Variants in PRDM11 observed in about 807,000 individuals in gnomAD.
PRDM11 encodes PR/SET domain 11.
Under a neutral mutation model 97.8 loss-of-function variants are expected in PRDM11, and 20 were observed. The ratio of observed to expected loss-of-function variants is 0.20; its 90% CI spans 0.14 to 0.30. PRDM11 has a LOEUF of 0.30. PRDM11 is among the 10% of genes least tolerant of loss of function. The probability of loss-of-function intolerance (pLI) is 1.00; values close to 1 mark genes in which losing one functional copy is unlikely to be tolerated. For synonymous variants in PRDM11, 599 were observed against 637.7 expected, an observed-to-expected ratio of 0.94 and a Z score of 0.91; for missense variants, 1,139 against 1,555.2, an observed-to-expected ratio of 0.73 and a Z score of 4.50.
chr11:45,160,926 C>CT (rs1157840979), intron 1 of PRDM11, among the ~76,000 whole-genome samples: 3 of 152,294 alleles, frequency 2.0e-5, no homozygotes, highest in African/African-American at 7.2e-5. Flanking sequence ...CTGGAGCCTT[C>CT]TTTCCTTCAC....
intron 1 of PRDM11, among the ~76,000 whole-genome samples, chr11:45,103,617 G>T (rs747425354): frequency 4.6e-5 from 7 of 151,730 alleles, no homozygotes; most frequent in Admixed American, 3.9e-4. Context: ...GCCTTTGAGG[G>T]TGTCAGAAAT....
chr11:45,220,554 G>T (rs1565342535), intron 6 of PRDM11, among the ~76,000 whole-genome samples: 1 of 152,324 alleles, frequency 6.6e-6, no homozygotes, highest in East Asian at 1.9e-4. Context: ...GGGCCACCTG[G>T]CTAGGAAGGA....
chr11:45,131,291 T>C (rs1852714005), intron 1 of PRDM11, among the ~76,000 whole-genome samples: 1 of 152,178 alleles, frequency 6.6e-6, no homozygotes, highest in South Asian at 2.1e-4. Context: ...AAATGCTCTG[T>C]TTCTTGATTT....
chr11:45,096,858 C>A (rs563718185), intron 1 of PRDM11, among the ~76,000 whole-genome samples: 8 of 152,216 alleles, frequency 5.3e-5, no homozygotes, highest in Admixed American at 5.2e-4. Context: ...CAAGTACATT[C>A]TCTGCCAGGC....
chr11:45,212,605 G>T (rs1014536266), intron 5 of PRDM11: 3 of 456,242 alleles, frequency 6.6e-6, no homozygotes, highest in South Asian at 4.6e-5. Flanking sequence ...AGTCTGAGAC[G>T]GTGGGCCCCA....
At chr11:45,172,875 T>C (rs920482589) in intron 1 of PRDM11, among the ~76,000 whole-genome samples, 1 of 152,122 alleles carries the variant, frequency 6.6e-6, no homozygotes, top group African/African-American at 2.4e-5. Flanking sequence ...AATGAATGTG[T>C]GTTTCTTGTC....
Position 45,227,378 on chromosome 11 carries a change from A to G in PRDM11, c.2753A>G (p.Glu918Gly). 1.3e-5 allele frequency: 20 copies of G among 1,533,920 alleles called. No homozygotes were observed. Among genetic ancestry groups the G allele is most frequent in the Non-Finnish European group, 1.6e-5 (18 of 1,146,714 alleles). The change falls in exon 8 of 8, where the codon GAG (glutamate) becomes GGG (glycine). Residue 918 changes from glutamate to glycine, a missense_variant. Glu to Gly is a moderately conservative substitution (Grantham distance 98, BLOSUM62 -2). This residue lies in a region of PRDM11 where 710 missense variants were observed against 1,044.9 expected (regional missense o/e 0.68). Transcript: ENST00000683152. The surrounding 1 kb of genome is among the most constrained non-coding windows in gnomAD (Gnocchi z 8.0). ...GACAAGATCGAGGAGGCCATCCAGGAGATCAGCCGGCTGGCTGACTCCCCG... is the reference window on the plus strand; with the variant it reads ...GACAAGATCGAGGAGGCCATCCAGGGGATCAGCCGGCTGGCTGACTCCCCG... ...VDDKIEEAIQ[E>G]ISRLADSPGE...
chr11:45,177,614 T>C (rs985627133), intron 1 of PRDM11, among the ~76,000 whole-genome samples: 1 of 152,232 alleles, frequency 6.6e-6, no homozygotes, highest in African/African-American at 2.4e-5. Flanking sequence ...GAGATGTCTA[T>C]GGGCCACTTG....
chr11:45,212,638 C>T (rs550762404), intron 5 of PRDM11: 2 of 456,362 alleles, frequency 4.4e-6, no homozygotes, highest in East Asian at 1.4e-4. Context: ...TGCCCCATCC[C>T]TCGCCCCAGG....
rs1242026121 is a variant in PRDM11 at position 45,182,242 on chromosome 11, C to T, written c.120-4C>T. 6.2e-7 allele frequency: 1 copy of T among 1,613,412 alleles called. No homozygotes were observed. Among genetic ancestry groups the T allele is most frequent in the Non-Finnish European group, 8.5e-7 (1 of 1,179,736 alleles). On this transcript the variant is annotated splice_region_variant and splice_polypyrimidine_tract_variant and intron_variant, in intron 2 of 7. Transcript: ENST00000683152. ...CTTTCTTTGCGGGCCTCTGCCCTGG[C>T]CAGCTCTAGGAGACCGGACTCCTCG...
chr11:45,204,615 G>T lies in PRDM11; in HGVS notation c.487-96G>T. 8 of 1,136,514 alleles carry T rather than the reference G, an allele frequency of 7.0e-6. No homozygotes were observed. The South Asian group carries it at 9.9e-5, about 14-fold the overall frequency. 70.4% of individuals were successfully genotyped at this position (1,136,514 alleles called of 1,614,324 possible). A position where few individuals can be genotyped will look rare whatever the true frequency, so the allele number is the denominator to read the frequency against. ...ATTTCAGGGGGAGGGGGAGGGAGCA[G>T]GTGGGACCAGGCCCTGGGCCCTGGT... On this transcript the variant is annotated intron_variant, in intron 4 of 7. Coordinates refer to ENST00000683152, the MANE Select transcript of PRDM11 (RefSeq NM_001384648.1).
intron 6 of PRDM11, among the ~76,000 whole-genome samples, chr11:45,221,734 A>G (rs186486893): frequency 2.6e-4 from 39 of 152,272 alleles, no homozygotes; most frequent in Admixed American, 2.0e-3. Flanking sequence ...ATTCCTGGTC[A>G]GGCTGAGCAG....
chr11:45,161,281 A>G (rs1851921555), intron 1 of PRDM11, among the ~76,000 whole-genome samples: 1 of 152,110 alleles, frequency 6.6e-6, no homozygotes, highest in South Asian at 2.1e-4. Flanking sequence ...TCCCACCTCC[A>G]TGGGCTGGGG....
intron 1 of PRDM11, among the ~76,000 whole-genome samples, chr11:45,166,322 C>T (rs1852064698): frequency 6.6e-6 from 1 of 152,216 alleles, no homozygotes; most frequent in African/African-American, 2.4e-5. Flanking sequence ...GCCCTTCTAT[C>T]CTTTCAGCAA....
chr11:45,109,254 A>G (rs1852123263), intron 1 of PRDM11, among the ~76,000 whole-genome samples: 1 of 152,190 alleles, frequency 6.6e-6, no homozygotes, highest in Non-Finnish European at 1.5e-5. Context: ...TACTACAGGT[A>G]GGATGCAGGC....
upstream of PRDM11, among the ~76,000 whole-genome samples, chr11:45,141,724 T>G (rs1247041582): frequency 1.3e-5 from 2 of 152,158 alleles, no homozygotes; most frequent in Admixed American, 1.3e-4. Flanking sequence ...CTGACATTAC[T>G]GCTCCTGAGA....
chr11:45,174,400 T>G (rs1276168519), intron 1 of PRDM11, among the ~76,000 whole-genome samples: 1 of 152,230 alleles, frequency 6.6e-6, no homozygotes, highest in Non-Finnish European at 1.5e-5. Context: ...TACAAAGAAC[T>G]AGGAAGATGA....
At chr11:45,117,898 C>T (rs776291730) in intron 1 of PRDM11, among the ~76,000 whole-genome samples, 2 of 152,224 alleles carry the variant, frequency 1.3e-5, no homozygotes, top group Non-Finnish European at 2.9e-5. Context: ...AACACTAACT[C>T]AGCCAGGTCT....
rs1421214513 is a variant in PRDM11 at position 45,219,787 on chromosome 11, C to T, written c.742+30C>T. On this transcript the variant is annotated intron_variant, in intron 6 of 7. Coordinates refer to ENST00000683152, the MANE Select transcript of PRDM11 (RefSeq NM_001384648.1). This position sits in a 1 kb window ranked among gnomAD's most constrained non-coding sequence, Gnocchi z 4.2. ...GTGCCATGCTCCACATGAGCTGCGC[C>T]CACCTCTGAGCCCCAGGGGAGGCCT... The T allele has an allele frequency of 6.3e-7, 1 of 1,597,170 alleles. No homozygotes were observed. The highest frequency in any genetic ancestry group is 8.5e-7 in the Non-Finnish European group (1 of 1,170,176).
Sources: allele counts gnomAD v4.1 joint callset (sites outside exome capture counted in the v4.1 genomes callset), GRCh38; gene constraint gnomAD v4.1.1; regional missense constraint gnomAD v4.1.1; non-coding constraint Gnocchi (gnomAD v3.1); transcripts MANE v1.5; gene names NCBI Gene and HGNC (gene_info 2026-07-23, HGNC 2026-07-21).